The following RORB variants were observed in gnomAD, a reference collection of about 807,000 sequenced individuals.
RORB encodes the protein nuclear receptor ROR-beta.
RORB carries 6 observed loss-of-function variants against 59.1 expected under a neutral mutation model. The ratio of observed to expected loss-of-function variants is 0.10; its 90% confidence interval spans 0.06 to 0.20. RORB has a LOEUF of 0.20. Ranked by LOEUF, RORB falls within the 10% of genes least tolerant of loss-of-function variation. The pLI is 1.00. For missense variants in RORB, 320 were observed against 560.5 expected (o/e 0.57, Z 4.33); for synonymous variants, 215 against 204.5 (o/e 1.05, Z -0.44).
At chr9:74,610,806 C>T (rs143956100) in intron 1 of RORB, among the ~76,000 whole-genome samples, 121 of 152,294 alleles carry the variant, frequency 7.9e-4, no homozygotes, top group African/African-American at 2.3e-3. Context: ...ATCCAGAAAG[C>T]TAGTGAACAC....
At chr9:74,551,308 A>C (rs1426403469) in intron 1 of RORB, among the ~76,000 whole-genome samples, 1 of 152,172 alleles carries the variant, frequency 6.6e-6, no homozygotes, top group East Asian at 1.9e-4. Flanking sequence ...TTCTTTTGGC[A>C]TATGTAAATC....
In RORB at chr9:74,504,499, C is replaced by T. The variant is rs550230914; in HGVS notation, c.7+6516C>T. Among the ~76,000 whole-genome samples the T allele has an allele frequency of 9.2e-5, 14 of 152,022 alleles. No individual in the cohort carries two copies. The South Asian group carries it at 2.7e-3, about 29-fold the overall frequency. Reference sequence around the variant, plus strand: ...TCAAAAATATGCTCTTATAAAAGAACAAAAGTAATTTGCTTTGACTTAAGC... The same window carrying T: ...TCAAAAATATGCTCTTATAAAAGAATAAAAGTAATTTGCTTTGACTTAAGC... On this transcript the variant is annotated intron_variant, in intron 1 of 9. Transcript: ENST00000376896.
At chr9:74,506,849 C>A (rs1825877129) in intron 1 of RORB, among the ~76,000 whole-genome samples, 1 of 152,024 alleles carries the variant, frequency 6.6e-6, no homozygotes, top group Non-Finnish European at 1.5e-5. Context: ...TATATTAGAC[C>A]AAGGAATTGT....
At chr9:74,591,230 G>C (rs922000669) in intron 1 of RORB, among the ~76,000 whole-genome samples, 2 of 152,200 alleles carry the variant, frequency 1.3e-5, no homozygotes, top group African/African-American at 4.8e-5. Context: ...CCTTAGTGTA[G>C]ACTGAACTTC....
chr9:74,622,038 G>A (rs760008950), intron 1 of RORB, among the ~76,000 whole-genome samples: 6 of 151,768 alleles, frequency 4.0e-5, no homozygotes, highest in Non-Finnish European at 8.8e-5. Flanking sequence ...TAGAAAAGTT[G>A]TATTTTTTTT....
At chr9:74,661,075 G>A in intron 5 of RORB, among the ~76,000 whole-genome samples, 1 of 152,198 alleles carries the variant, frequency 6.6e-6, no homozygotes, top group African/African-American at 2.4e-5. Flanking sequence ...CTTGGGTGGA[G>A]GCAAGGAGCA....
intron 1 of RORB, among the ~76,000 whole-genome samples, chr9:74,580,145 A>C (rs1302253474): frequency 6.6e-6 from 1 of 152,100 alleles, no homozygotes. Flanking sequence ...CTAGGGGTTT[A>C]AGACCATATC....
At chr9:74,676,591 G>A (rs1315292055) in intron 9 of RORB, among the ~76,000 whole-genome samples, 1 of 152,128 alleles carries the variant, frequency 6.6e-6, no homozygotes, top group African/African-American at 2.4e-5. Flanking sequence ...AGGAATCATG[G>A]GCCACACCAC....
At chr9:74,636,325 G>T (rs1823702674) in intron 3 of RORB, among the ~76,000 whole-genome samples, 1 of 152,146 alleles carries the variant, frequency 6.6e-6, no homozygotes, top group Admixed American at 6.5e-5. Flanking sequence ...ATAAGCCATA[G>T]GGTATTTGAT....
At position 74,576,833 on chromosome 9, in the gene RORB, C is replaced by T. The variant is rs543930992; in HGVS notation, c.8-53449C>T. 2.4e-4 allele frequency among the ~76,000 whole-genome samples: 36 copies of T among 152,090 alleles called. 1 individual carries two copies. In the South Asian group the frequency reaches 6.4e-3, roughly 27 times the overall value. ...CTAGTGGGTACTACATGCCATGTAC[C>T]AGCAAGTGCTTTATGTATGTTAACT... On this transcript the variant is annotated intron_variant, in intron 1 of 9. Coordinates refer to ENST00000376896, the MANE Select transcript of RORB (RefSeq NM_006914.4).
At chr9:74,684,425 TAA>T (rs1352862035) in intron 9 of RORB, among the ~76,000 whole-genome samples, 1 of 151,854 alleles carries the variant, frequency 6.6e-6, no homozygotes, top group African/African-American at 2.4e-5. Context: ...CTATCTTTTA[TAA>T]GAGTGTTCCT....
At chr9:74,610,843 G>A (rs1163468327) in intron 1 of RORB, among the ~76,000 whole-genome samples, 1 of 152,188 alleles carries the variant, frequency 6.6e-6, no homozygotes, top group Non-Finnish European at 1.5e-5. Context: ...AGCCCCCAGA[G>A]TCTCTGATTC....
At chr9:74,531,637 T>G (rs1826240378) in intron 1 of RORB, among the ~76,000 whole-genome samples, 1 of 152,012 alleles carries the variant, frequency 6.6e-6, no homozygotes, top group African/African-American at 2.4e-5. Flanking sequence ...TTAAATAGAA[T>G]GACAATCAAG....
intron 4 of RORB, among the ~76,000 whole-genome samples, chr9:74,657,536 T>C (rs1199262410): frequency 6.6e-6 from 1 of 152,186 alleles, no homozygotes; most frequent in African/African-American, 2.4e-5. Context: ...TACATCTTTC[T>C]CTTCTCCATG....
chr9:74,562,911 C>T (rs977896673), intron 1 of RORB, among the ~76,000 whole-genome samples: 1 of 152,132 alleles, frequency 6.6e-6, no homozygotes, highest in African/African-American at 2.4e-5. Context: ...TCCCTCTCCC[C>T]CATCTAAAAA....
intron 1 of RORB, among the ~76,000 whole-genome samples, chr9:74,612,277 G>T (rs1378783022): frequency 6.6e-6 from 1 of 152,130 alleles, no homozygotes; most frequent in African/African-American, 2.4e-5. Flanking sequence ...AAAAGGCAGA[G>T]AAGTGAGGCA....
At chr9:74,589,714 C>T (rs577746026) in intron 1 of RORB, among the ~76,000 whole-genome samples, 3 of 152,250 alleles carry the variant, frequency 2.0e-5, no homozygotes, top group South Asian at 4.2e-4. Flanking sequence ...GGGGTGCCCT[C>T]GCATGAACCC....
intron 1 of RORB, among the ~76,000 whole-genome samples, chr9:74,501,034 G>A (rs961249281): frequency 6.6e-6 from 1 of 152,176 alleles, no homozygotes; most frequent in African/African-American, 2.4e-5. Flanking sequence ...AAAGAAGTGA[G>A]CCGAGGTGTG....
At chr9:74,593,195 G>A (rs950913976) in intron 1 of RORB, among the ~76,000 whole-genome samples, 3 of 152,080 alleles carry the variant, frequency 2.0e-5, no homozygotes, top group Admixed American at 6.6e-5. Flanking sequence ...GGCCGGGCGC[G>A]GTGGCACACA....
Sources: allele counts gnomAD v4.1 joint callset (sites outside exome capture counted in the v4.1 genomes callset), GRCh38; gene constraint gnomAD v4.1.1; transcripts MANE v1.5; gene names NCBI Gene and HGNC (gene_info 2026-07-23, HGNC 2026-07-21).